The following TAS2R1 variants were observed in gnomAD, a reference collection of about 807,000 sequenced individuals.
TAS2R1 encodes taste 2 receptor member 1.
For missense variants in TAS2R1, 370 were observed against 353.4 expected, an observed-to-expected ratio of 1.05 and a Z score of -0.38; for synonymous variants, 141 against 134.2, an observed-to-expected ratio of 1.05 and a Z score of -0.35.
At chr5:9,725,494 C>A in the TAS2R1 span, among the ~76,000 whole-genome samples, 1 of 152,330 alleles carries the variant, frequency 6.6e-6, no homozygotes, top group East Asian at 1.9e-4. Context: ...CTGGGTCCCC[C>A]AGCAGTGCCG....
At chr5:9,785,516 G>C in the TAS2R1 span, among the ~76,000 whole-genome samples, 8 of 152,244 alleles carry the variant, frequency 5.3e-5, no homozygotes, top group Middle Eastern at 3.4e-3. Context: ...CTTTATCTTT[G>C]TGGAGATTTG....
At chr5:9,719,074 G>A in the TAS2R1 span, among the ~76,000 whole-genome samples, 1 of 152,124 alleles carries the variant, frequency 6.6e-6, no homozygotes, top group Non-Finnish European at 1.5e-5. Context: ...TTAGTTAAAG[G>A]TATTGCATCA....
the TAS2R1 span, among the ~76,000 whole-genome samples, chr5:9,758,801 T>C: frequency 6.6e-6 from 1 of 152,186 alleles, no homozygotes; most frequent in African/African-American, 2.4e-5. Flanking sequence ...ACTTGTCCCA[T>C]AACAGTTGTC....
At chr5:9,768,965 A>AT in the TAS2R1 span, among the ~76,000 whole-genome samples, 1 of 152,162 alleles carries the variant, frequency 6.6e-6, no homozygotes. Context: ...ACAATAAATT[A>AT]TTGTTGACTG....
chr5:9,846,365 T>C, the TAS2R1 span, among the ~76,000 whole-genome samples: 2 of 152,190 alleles, frequency 1.3e-5, no homozygotes, highest in Non-Finnish European at 2.9e-5. Flanking sequence ...TCTGGTCTCC[T>C]CATAGTCTGG....
At chr5:9,672,740 T>C (rs543640086) in intron 1 of TAS2R1, among the ~76,000 whole-genome samples, 2 of 152,210 alleles carry the variant, frequency 1.3e-5, no homozygotes, top group African/African-American at 4.8e-5. Context: ...TCAAAGAACT[T>C]ATCTTTGAAA....
the TAS2R1 span, among the ~76,000 whole-genome samples, chr5:9,720,596 G>A: frequency 2.0e-5 from 3 of 152,348 alleles, no homozygotes; most frequent in South Asian, 4.1e-4. Flanking sequence ...GAGAAAGAGA[G>A]TGACTGCAGG....
the TAS2R1 span, among the ~76,000 whole-genome samples, chr5:9,860,048 G>A: frequency 2.6e-5 from 4 of 152,206 alleles, no homozygotes; most frequent in South Asian, 6.2e-4. Flanking sequence ...CTTGAAGTGT[G>A]TATGTTTGTG....
chr5:9,748,561 A>T, the TAS2R1 span, among the ~76,000 whole-genome samples: 1 of 152,144 alleles, frequency 6.6e-6, no homozygotes, highest in Admixed American at 6.5e-5. Context: ...TCATGGTGGA[A>T]GGTGGAAGGG....
the TAS2R1 span, among the ~76,000 whole-genome samples, chr5:9,784,268 G>C: frequency 6.6e-6 from 1 of 152,132 alleles, no homozygotes; most frequent in Non-Finnish European, 1.5e-5. Context: ...AAATCCCCAG[G>C]CTGGGACCAG....
chr5:9,895,627 ATCAGAGATCTGTTCTGTTAC>A, the TAS2R1 span, among the ~76,000 whole-genome samples: 1 of 152,214 alleles, frequency 6.6e-6, no homozygotes, highest in Non-Finnish European at 1.5e-5. Context: ...GACAATAACC[ATCAGAGATCTGTTCTGTTAC>A]AAATCCAATA....
chr5:9,763,972 A>G, the TAS2R1 span, among the ~76,000 whole-genome samples: 7 of 152,368 alleles, frequency 4.6e-5, no homozygotes, highest in South Asian at 1.2e-3. Flanking sequence ...TTACTTCCCA[A>G]CTTAGGGAGG....
At chr5:9,863,271 T>A in the TAS2R1 span, among the ~76,000 whole-genome samples, 1 of 149,610 alleles carries the variant, frequency 6.7e-6, no homozygotes, top group South Asian at 2.2e-4. Flanking sequence ...AAGATTTTTT[T>A]TTTTTTTTTT....
intron 1 of TAS2R1, among the ~76,000 whole-genome samples, chr5:9,704,894 G>A (rs866871554): frequency 1.3e-5 from 2 of 152,168 alleles, no homozygotes; most frequent in South Asian, 2.1e-4. Flanking sequence ...CATGCCCTGC[G>A]GTGTTACCAG....
upstream of TAS2R1, among the ~76,000 whole-genome samples, chr5:9,714,428 A>C (rs113870809): frequency 6.6e-6 from 1 of 152,208 alleles, no homozygotes; most frequent in Non-Finnish European, 1.5e-5. Context: ...GCTGTGATGA[A>C]GCACAGAACG....
At chr5:9,680,238 A>G (rs1442082864) in intron 1 of TAS2R1, among the ~76,000 whole-genome samples, 1 of 152,222 alleles carries the variant, frequency 6.6e-6, no homozygotes, top group Non-Finnish European at 1.5e-5. Flanking sequence ...GAGGCCGAAG[A>G]GGTGTAAATA....
At chr5:9,765,013 A>T in the TAS2R1 span, among the ~76,000 whole-genome samples, 1 of 152,180 alleles carries the variant, frequency 6.6e-6, no homozygotes, top group South Asian at 2.1e-4. Context: ...CAAATTTAGG[A>T]TATAAAATGT....
upstream of TAS2R1, among the ~76,000 whole-genome samples, chr5:9,715,700 C>A (rs541554745): frequency 6.6e-6 from 1 of 152,184 alleles, no homozygotes; most frequent in Non-Finnish European, 1.5e-5. Context: ...AGCCAGGGAA[C>A]AGAAGAGCTT....
chr5:9,829,301 AT>A, the TAS2R1 span, among the ~76,000 whole-genome samples: 1 of 152,312 alleles, frequency 6.6e-6, no homozygotes, highest in South Asian at 2.1e-4. Context: ...AGACCTAATA[AT>A]TCTCATAAAA....
Sources: gnomAD v4.1 joint callset for allele counts (sites outside exome capture counted in the v4.1 genomes callset) on GRCh38, gnomAD v4.1.1 for gene constraint, MANE v1.5 for transcripts, NCBI Gene and HGNC (gene_info 2026-07-23, HGNC 2026-07-21) for gene names.